The following CTIF variants were observed in gnomAD, a reference collection of about 807,000 sequenced individuals.
CTIF encodes the protein CBP80/20-dependent translation initiation factor.
In CTIF, 21 loss-of-function variants were observed where a neutral mutation model predicts 66.0. The observed-to-expected ratio is 0.32, with a 90% CI of 0.23 to 0.46. CTIF has a LOEUF of 0.46. CTIF is among the 20% of genes least tolerant of loss of function. The pLI, the probability that CTIF is intolerant of heterozygous loss-of-function variation, is 1.00. For synonymous variants in CTIF, 345 were observed against 326.4 expected (o/e 1.06, Z -0.62); for missense variants, 739 against 812.7 (o/e 0.91, Z 1.10).
chr18:48,852,250 A>AAAAAAAAAAAAT (rs2069221550), intron 10 of CTIF, among the ~76,000 whole-genome samples: 1 of 148,166 alleles, frequency 6.7e-6, no homozygotes, highest in Admixed American at 6.7e-5. Flanking sequence ...AAAAAAAAAA[A>AAAAAAAAAAAAT]AAAAAAAAAA....
intron 7 of CTIF, among the ~76,000 whole-genome samples, chr18:48,751,802 A>G (rs1321956581): frequency 6.6e-6 from 1 of 152,150 alleles, no homozygotes; most frequent in African/African-American, 2.4e-5. Flanking sequence ...CTCCACCCCA[A>G]CTTCTCTCAG....
intron 9 of CTIF, among the ~76,000 whole-genome samples, chr18:48,762,754 A>G (rs1430771111): frequency 1.3e-5 from 2 of 152,240 alleles, no homozygotes; most frequent in Non-Finnish European, 2.9e-5. Context: ...TGCCTAGACA[A>G]CAGGTGTAAA....
intron 3 of CTIF, among the ~76,000 whole-genome samples, chr18:48,659,347 G>A (rs2091301947): frequency 6.6e-6 from 1 of 152,152 alleles, no homozygotes; most frequent in Non-Finnish European, 1.5e-5. Flanking sequence ...GAGGCCCGAT[G>A]CCTTGCCCAC....
At chr18:48,654,437 C>G (rs182127896) in intron 3 of CTIF, among the ~76,000 whole-genome samples, 1 of 152,276 alleles carries the variant, frequency 6.6e-6, no homozygotes, top group African/African-American at 2.4e-5. Flanking sequence ...CCATCTCACA[C>G]CAGTTAGAAT....
At chr18:48,727,573 G>A (rs2092396876) in intron 7 of CTIF, among the ~76,000 whole-genome samples, 1 of 152,112 alleles carries the variant, frequency 6.6e-6, no homozygotes, top group Admixed American at 6.5e-5. Flanking sequence ...GGTCTTCTGT[G>A]ATCCTATTGA....
intron 1 of CTIF, chr18:48,564,977 A>G (rs1216591657): frequency 6.6e-6 from 1 of 152,218 alleles, no homozygotes; most frequent in Non-Finnish European, 1.5e-5. Context: ...ATATTGAGAT[A>G]AATTTTAAGG....
Position 48,819,740 on chromosome 18 carries a change from G to A in CTIF, c.1527+2364G>A, listed in dbSNP as rs77543622. On this transcript the variant is annotated intron_variant, in intron 10 of 11. Transcript: ENST00000256413. ...AATCACCTATGGTCTTCTCCAATTT[G>A]TAAAAGAAGAGGGCAGAGCCCCATG... is the stretch of plus-strand genomic sequence containing the variant. 4.7e-3 allele frequency among the ~76,000 whole-genome samples: 714 copies of A among 152,358 alleles called. 6 individuals are homozygous for A. Among genetic ancestry groups the A allele is most frequent in the African/African-American group, 0.016 (677 of 41,588 alleles).
chr18:48,754,274 G>A (rs1245098636), intron 7 of CTIF, among the ~76,000 whole-genome samples: 1 of 152,222 alleles, frequency 6.6e-6, no homozygotes, highest in East Asian at 1.9e-4. Context: ...GGAGACAGAT[G>A]GGAGGTGGCT....
intron 2 of CTIF, among the ~76,000 whole-genome samples, chr18:48,633,427 A>T (rs1006574021): frequency 2.4e-5 from 3 of 123,418 alleles, no homozygotes; most frequent in African/African-American, 7.6e-5. Flanking sequence ...TGTGGACTGG[A>T]CATGGTGGCT....
chr18:48,626,711 A>G (rs1598761102), intron 2 of CTIF, among the ~76,000 whole-genome samples: 1 of 115,458 alleles, frequency 8.7e-6, no homozygotes, highest in Non-Finnish European at 1.8e-5. Flanking sequence ...GCTGGAGTGC[A>G]ATGGTGTGAT....
chr18:48,631,376 G>A (rs568883742), intron 2 of CTIF, among the ~76,000 whole-genome samples: 4 of 151,914 alleles, frequency 2.6e-5, no homozygotes, highest in African/African-American at 9.7e-5. Flanking sequence ...TGAGGCAGGA[G>A]AATTGCTTGA....
At chr18:48,577,367 C>A (rs1410107545) in intron 1 of CTIF, among the ~76,000 whole-genome samples, 1 of 152,180 alleles carries the variant, frequency 6.6e-6, no homozygotes, top group East Asian at 1.9e-4. Context: ...CCGTTCCTTC[C>A]CCGGCTTCTC....
At chr18:48,690,187 T>C (rs1014190999) in intron 6 of CTIF, among the ~76,000 whole-genome samples, 1 of 152,094 alleles carries the variant, frequency 6.6e-6, no homozygotes, top group East Asian at 1.9e-4. Context: ...CCAAAACTCA[T>C]CAATTTCATT....
intron 10 of CTIF, among the ~76,000 whole-genome samples, chr18:48,849,452 C>T (rs1216911808): frequency 2.0e-5 from 3 of 151,930 alleles, no homozygotes; most frequent in Admixed American, 6.6e-5. Context: ...CCCACCTTGG[C>T]CTCCCAAAGT....
At chr18:48,646,989 C>A (rs9964218) in intron 3 of CTIF, among the ~76,000 whole-genome samples, 116,090 of 150,726 alleles carry the variant, frequency 0.77, 45,576 homozygotes, top group East Asian at 0.99. Flanking sequence ...TATCCCAGAG[C>A]AATGAAAACT....
Position 48,783,432 on chromosome 18 carries a change from A to G in CTIF, c.1371+21743A>G, listed in dbSNP as rs2146074398. Among the ~76,000 whole-genome samples, 2 of 152,242 alleles carry G rather than the reference A, an allele frequency of 1.3e-5. 1 individual carries two copies. The highest frequency in any genetic ancestry group is 4.2e-4 in the South Asian group (2 of 4,814). On this transcript the variant is annotated intron_variant, in intron 9 of 11. Coordinates refer to ENST00000256413, the MANE Select transcript of CTIF (RefSeq NM_014772.3). ...AAAAAAAAAATGCTTAGCAAAATAAAATGTGGGCAACCCTCAAATTTTACC... is the reference window on the plus strand; with the variant it reads ...AAAAAAAAAATGCTTAGCAAAATAAGATGTGGGCAACCCTCAAATTTTACC...
At chr18:48,568,628 A>G (rs1035323976) in intron 1 of CTIF, among the ~76,000 whole-genome samples, 3 of 118,882 alleles carry the variant, frequency 2.5e-5, no homozygotes, top group African/African-American at 1.1e-4. Flanking sequence ...AGACTGGGCA[A>G]TTTGTAAAAA....
intron 10 of CTIF, among the ~76,000 whole-genome samples, chr18:48,818,822 C>G (rs1479745795): frequency 6.6e-6 from 1 of 152,016 alleles, no homozygotes; most frequent in Non-Finnish European, 1.5e-5. Flanking sequence ...AGAAAAGTGT[C>G]CTGGGTTTGG....
In CTIF at chr18:48,585,322, A is replaced by G. The variant is rs113661165; in HGVS notation, c.-28-34216A>G. Reference sequence around the variant, plus strand: ...CTCATTTGGATATTGACGACAAAACATTCACCTTTTAGAAAGTGGGGAAAG... The same window carrying G: ...CTCATTTGGATATTGACGACAAAACGTTCACCTTTTAGAAAGTGGGGAAAG... On this transcript the variant is annotated intron_variant, in intron 1 of 11. Transcript: ENST00000256413. Among the ~76,000 whole-genome samples the G allele has an allele frequency of 3.4e-3, 511 of 152,372 alleles. 2 individuals are homozygous for G. Among genetic ancestry groups the G allele is most frequent in the African/African-American group, 0.012 (479 of 41,594 alleles).
Sources: allele counts gnomAD v4.1 joint callset (sites outside exome capture counted in the v4.1 genomes callset), GRCh38; gene constraint gnomAD v4.1.1; transcripts MANE v1.5; gene names NCBI Gene and HGNC (gene_info 2026-07-23, HGNC 2026-07-21).